Variants in AGBL4 observed in about 807,000 individuals in gnomAD.
The protein encoded by AGBL4 is AGBL carboxypeptidase 4, also known as cytosolic carboxypeptidase 6.
Under a neutral mutation model 66.4 loss-of-function variants are expected in AGBL4, and 58 were observed. The ratio of observed to expected loss-of-function variants is 0.87; its 90% CI spans 0.71 to 1.09. The LOEUF (loss-of-function observed/expected upper bound fraction) is 1.09. Among genes scored for constraint, AGBL4 ranks in the 50% least tolerant of loss-of-function variants. The pLI is 0.00. For missense variants in AGBL4, 579 were observed against 631.0 expected, an observed-to-expected ratio of 0.92 and a Z score of 0.88; for synonymous variants, 234 against 222.9, an observed-to-expected ratio of 1.05 and a Z score of -0.44.
intron 3 of AGBL4, among the ~76,000 whole-genome samples, chr1:49,312,693 A>G (rs1644962961): frequency 6.6e-6 from 1 of 152,092 alleles, no homozygotes; most frequent in African/African-American, 2.4e-5. Context: ...ACCAAAGAAG[A>G]TATAGATGAC....
chr1:49,453,615 CAG>C (rs1210142041), intron 3 of AGBL4, among the ~76,000 whole-genome samples: 3 of 151,896 alleles, frequency 2.0e-5, no homozygotes, highest in Non-Finnish European at 2.9e-5. Context: ...TCTTTTATGT[CAG>C]AGTTTGACCA....
chr1:49,971,835 C>T (rs1264856469), intron 1 of AGBL4, among the ~76,000 whole-genome samples: 3 of 144,062 alleles, frequency 2.1e-5, no homozygotes, highest in African/African-American at 7.7e-5. Context: ...TTCACTTCAT[C>T]TCATCTTACA....
At chr1:48,540,882 T>C (rs1364309248) in intron 11 of AGBL4, among the ~76,000 whole-genome samples, 1 of 152,132 alleles carries the variant, frequency 6.6e-6, no homozygotes, top group African/African-American at 2.4e-5. Flanking sequence ...ATTTCTCCCC[T>C]CTGGTCCATT....
intron 4 of AGBL4, among the ~76,000 whole-genome samples, chr1:49,121,327 C>G (rs1376247929): frequency 6.6e-6 from 1 of 152,176 alleles, no homozygotes; most frequent in African/African-American, 2.4e-5. Context: ...GCCTTGGTTT[C>G]TCCCCATATT....
At chr1:49,733,591 CTTG>C (rs988950639) in intron 2 of AGBL4, among the ~76,000 whole-genome samples, 12 of 152,262 alleles carry the variant, frequency 7.9e-5, no homozygotes, top group African/African-American at 2.9e-4. Context: ...GAGTTGTAGT[CTTG>C]TTGTATCCCC....
chr1:49,346,739 C>G (rs1351120510), intron 3 of AGBL4, among the ~76,000 whole-genome samples: 1 of 152,162 alleles, frequency 6.6e-6, no homozygotes, highest in African/African-American at 2.4e-5. Context: ...GAAGAACTTA[C>G]AGAAGATAGA....
intron 3 of AGBL4, among the ~76,000 whole-genome samples, chr1:49,568,487 T>TCACACACACACACACACACACA (rs71059555): frequency 3.0e-5 from 4 of 131,206 alleles, no homozygotes; most frequent in Admixed American, 7.9e-5. Context: ...AAATAAGTGA[T>TCACACACACACACACACACACA]CACACACACA....
chr1:49,063,979 A>G (rs1644448098), intron 4 of AGBL4, among the ~76,000 whole-genome samples: 2 of 152,248 alleles, frequency 1.3e-5, no homozygotes. Context: ...TTTTGAATCC[A>G]GGTTTTGCCA....
chr1:49,990,989 C>T (rs949249604), intron 1 of AGBL4, among the ~76,000 whole-genome samples: 2 of 151,926 alleles, frequency 1.3e-5, no homozygotes, highest in Non-Finnish European at 2.9e-5. Flanking sequence ...AAAACTCAAA[C>T]CTAATAGGGT....
At chr1:49,739,981 G>A (rs78179298) in intron 2 of AGBL4, among the ~76,000 whole-genome samples, 1 of 152,172 alleles carries the variant, frequency 6.6e-6, no homozygotes, top group Non-Finnish European at 1.5e-5. Context: ...AGGCTAGGAA[G>A]AAACTGCATC....
intron 4 of AGBL4, among the ~76,000 whole-genome samples, chr1:49,122,178 C>T (rs940875621): frequency 1.8e-4 from 27 of 152,308 alleles, no homozygotes; most frequent in Admixed American, 3.9e-4. Flanking sequence ...GGTGAGGCAA[C>T]GCCCTGCCCT....
At chr1:48,682,963 G>T (rs1371553188) in intron 6 of AGBL4, among the ~76,000 whole-genome samples, 1 of 152,146 alleles carries the variant, frequency 6.6e-6, no homozygotes, top group East Asian at 1.9e-4. Flanking sequence ...AGAAACCATG[G>T]CATCCAGGAA....
chr1:50,012,481 C>T (rs1661623225), intron 1 of AGBL4, among the ~76,000 whole-genome samples: 1 of 150,658 alleles, frequency 6.6e-6, no homozygotes, highest in South Asian at 2.1e-4. Flanking sequence ...ACACCTACTA[C>T]ATATCCAGTT....
intron 4 of AGBL4, among the ~76,000 whole-genome samples, chr1:49,210,464 T>A (rs183597466): frequency 6.6e-6 from 1 of 152,062 alleles, no homozygotes; most frequent in Admixed American, 6.6e-5. Flanking sequence ...TATCTCACAG[T>A]CTCCACAAAC....
chr1:49,341,836 C>T (rs748516993), intron 3 of AGBL4, among the ~76,000 whole-genome samples: 8 of 152,186 alleles, frequency 5.3e-5, no homozygotes, highest in Non-Finnish European at 1.0e-4. Flanking sequence ...CTGAGCACCT[C>T]GCCTCCCTGA....
At chr1:49,972,489 CA>C (rs2148366535) in intron 1 of AGBL4, among the ~76,000 whole-genome samples, 1 of 152,186 alleles carries the variant, frequency 6.6e-6, no homozygotes, top group African/African-American at 2.4e-5. Flanking sequence ...AATGTTGCTG[CA>C]AAAGAAATGA....
At chr1:48,961,132 T>G (rs185899518) in intron 5 of AGBL4, among the ~76,000 whole-genome samples, 70 of 152,242 alleles carry the variant, frequency 4.6e-4, no homozygotes, top group Admixed American at 2.9e-3. Flanking sequence ...TATGTGTGTA[T>G]GTACAGCTGT....
At chr1:49,428,086 C>T (rs1187153401) in intron 3 of AGBL4, among the ~76,000 whole-genome samples, 1 of 152,156 alleles carries the variant, frequency 6.6e-6, no homozygotes, top group Non-Finnish European at 1.5e-5. Context: ...TTTAGCTAGA[C>T]AGAAAAGTTC....
At chr1:48,861,077 TAAA>T (rs1647423437) in intron 6 of AGBL4, among the ~76,000 whole-genome samples, 1 of 151,978 alleles carries the variant, frequency 6.6e-6, no homozygotes, top group Non-Finnish European at 1.5e-5. Context: ...TGGGTATGAA[TAAA>T]ATTAGAAATC....
Sources: gnomAD v4.1 joint callset for allele counts (sites outside exome capture counted in the v4.1 genomes callset) on GRCh38, gnomAD v4.1.1 for gene constraint, MANE v1.5 for transcripts, NCBI Gene and HGNC (gene_info 2026-07-23, HGNC 2026-07-21) for gene names.